Variants in ITFG1 observed in about 807,000 individuals in gnomAD.
ITFG1 encodes the protein integrin alpha FG-GAP repeat containing 1, also known as T-cell immunomodulatory protein.
ITFG1 carries 34 observed loss-of-function variants against 81.8 expected under a neutral mutation model. That is an observed-to-expected ratio of 0.42 (90% confidence interval 0.32 to 0.55). The LOEUF (loss-of-function observed/expected upper bound fraction) is 0.55. ITFG1 is among the 20% of genes least tolerant of loss of function. ITFG1 has a pLI of 0.17. For missense variants in ITFG1, 672 were observed against 755.4 expected, an observed-to-expected ratio of 0.89 and a Z score of 1.29; for synonymous variants, 285 against 270.6, an observed-to-expected ratio of 1.05 and a Z score of -0.52.
chr16:47,394,422 C>A (rs750341443), intron 6 of ITFG1, among the ~76,000 whole-genome samples: 16 of 152,260 alleles, frequency 1.1e-4, no homozygotes, highest in Non-Finnish European at 1.8e-4. Flanking sequence ...CATGACTCAT[C>A]GACATACACT....
intron 2 of ITFG1, among the ~76,000 whole-genome samples, chr16:47,457,765 C>G (rs1969472710): frequency 6.6e-6 from 1 of 152,062 alleles, no homozygotes; most frequent in Non-Finnish European, 1.5e-5. Context: ...CCATTTACAT[C>G]TTTTAAATTT....
intron 8 of ITFG1, among the ~76,000 whole-genome samples, chr16:47,337,206 T>C (rs1003032992): frequency 7.3e-5 from 11 of 150,252 alleles, no homozygotes; most frequent in South Asian, 2.1e-4. Flanking sequence ...GCTGAAGATA[T>C]AGGTACTTGA....
At chr16:47,358,090 T>C (rs1242781952) in intron 8 of ITFG1, among the ~76,000 whole-genome samples, 2 of 152,218 alleles carry the variant, frequency 1.3e-5, no homozygotes, top group South Asian at 4.1e-4. Context: ...CTGGGTTTAT[T>C]ATTTGTTTGA....
chr16:47,157,918 C>T (rs141695604), intron 17 of ITFG1, among the ~76,000 whole-genome samples: 1 of 152,284 alleles, frequency 6.6e-6, no homozygotes, highest in Non-Finnish European at 1.5e-5. Context: ...TAAATAGAAA[C>T]TAGCTTTTTC....
chr16:47,365,687 G>A (rs1004730560), intron 8 of ITFG1, 101 bp downstream of exon 8: 3 of 694,568 alleles, frequency 4.3e-6, no homozygotes. Context: ...TGAAGACCCT[G>A]GAGTTATTTC....
At position 47,454,095 on chromosome 16, in the gene ITFG1, A is replaced by G; in HGVS notation, c.345T>C (p.Asp115=). 5 of 1,606,558 alleles carry G rather than the reference A, an allele frequency of 3.1e-6. No homozygotes were observed. Among genetic ancestry groups the G allele is most frequent in the South Asian group, 1.1e-5 (1 of 90,784 alleles). ...TTTTGGGAAGATATGTCAGAAGGACATCCATTTGAGAATCTCCATCATAAT... is the reference window on the plus strand; with the variant it reads ...TTTTGGGAAGATATGTCAGAAGGACGTCCATTTGAGAATCTCCATCATAAT... ...PGDYDGDSQM[D]VLLTYLPKNY... Residue 115 remains aspartate (D), a synonymous_variant, in exon 3 of 18, where the codon GAT becomes GAC. Transcript: ENST00000320640.
At chr16:47,198,362 G>C (rs184343148) in intron 14 of ITFG1, among the ~76,000 whole-genome samples, 1 of 152,258 alleles carries the variant, frequency 6.6e-6, no homozygotes, top group Non-Finnish European at 1.5e-5. Context: ...TGCCATCTTA[G>C]CTGTCATGAT....
At chr16:47,268,282 A>G (rs1303850142) in intron 10 of ITFG1, among the ~76,000 whole-genome samples, 1 of 152,184 alleles carries the variant, frequency 6.6e-6, no homozygotes, top group Admixed American at 6.5e-5. Context: ...AATACAATTG[A>G]TAAGTTAGAT....
intron 14 of ITFG1, among the ~76,000 whole-genome samples, chr16:47,167,794 T>C (rs1430030828): frequency 6.6e-6 from 1 of 152,234 alleles, no homozygotes; most frequent in Non-Finnish European, 1.5e-5. Context: ...ATTTTATGTA[T>C]ACACTTTGAT....
At chr16:47,274,948 A>T (rs1180324515) in intron 10 of ITFG1, among the ~76,000 whole-genome samples, 1 of 152,190 alleles carries the variant, frequency 6.6e-6, no homozygotes, top group Non-Finnish European at 1.5e-5. Flanking sequence ...ACTCTGTAGT[A>T]TGTAAAGAAT....
chr16:47,372,623 TTTG>T (rs1968271983), intron 7 of ITFG1, among the ~76,000 whole-genome samples: 1 of 151,994 alleles, frequency 6.6e-6, no homozygotes, highest in African/African-American at 2.4e-5. Flanking sequence ...CTAGCTAATT[TTTG>T]TATTTTTAGT....
At chr16:47,411,598 CCA>C (rs1968811781) in intron 6 of ITFG1, among the ~76,000 whole-genome samples, 1 of 152,090 alleles carries the variant, frequency 6.6e-6, no homozygotes, top group African/African-American at 2.4e-5. Context: ...TCTGACTCTG[CCA>C]AGCAAAGATG....
At chr16:47,335,728 C>G (rs1028225856) in intron 8 of ITFG1, among the ~76,000 whole-genome samples, 3 of 152,146 alleles carry the variant, frequency 2.0e-5, no homozygotes, top group African/African-American at 7.2e-5. Context: ...AATGACAATA[C>G]TAACTGTTGA....
upstream of ITFG1, chr16:47,461,109 C>G: frequency 7.1e-7 from 1 of 1,414,446 alleles, no homozygotes; most frequent in South Asian, 1.4e-5. Context: ...CAAAGCACCG[C>G]GTTACCGGCC....
chr16:47,231,229 T>C (rs1396414623), intron 13 of ITFG1, among the ~76,000 whole-genome samples: 2 of 152,228 alleles, frequency 1.3e-5, no homozygotes, highest in Non-Finnish European at 2.9e-5. Context: ...GAAAAGTACT[T>C]ATCTGCCTGC....
At chr16:47,188,000 A>C (rs1258265865) in intron 14 of ITFG1, among the ~76,000 whole-genome samples, 1 of 152,176 alleles carries the variant, frequency 6.6e-6, no homozygotes, top group Admixed American at 6.5e-5. Flanking sequence ...CAGCCAAAAA[A>C]CACATGAAAA....
intron 6 of ITFG1, among the ~76,000 whole-genome samples, chr16:47,407,721 T>A (rs940808314): frequency 1.3e-5 from 2 of 151,952 alleles, no homozygotes; most frequent in Non-Finnish European, 2.9e-5. Flanking sequence ...GTTGAGGTGG[T>A]TTAGGAGGAA....
intron 12 of ITFG1, among the ~76,000 whole-genome samples, chr16:47,250,915 A>G (rs1277888662): frequency 1.3e-5 from 2 of 152,188 alleles, no homozygotes; most frequent in Non-Finnish European, 2.9e-5. Context: ...AGGGGAATGG[A>G]GGGTCTCTGG....
chr16:47,393,933 TA>T (rs756559259), intron 6 of ITFG1, among the ~76,000 whole-genome samples: 2 of 152,140 alleles, frequency 1.3e-5, no homozygotes, highest in Non-Finnish European at 2.9e-5. Context: ...TTATGTGAAT[TA>T]AAATTTGGTC....
Sources: gnomAD v4.1 joint callset for allele counts (sites outside exome capture counted in the v4.1 genomes callset) on GRCh38, gnomAD v4.1.1 for gene constraint, MANE v1.5 for transcripts, NCBI Gene and HGNC (gene_info 2026-07-23, HGNC 2026-07-21) for gene names.